HCN1: variants seen among roughly 807,000 people sequenced by gnomAD.
HCN1 encodes potassium/sodium hyperpolarization-activated cyclic nucleotide-gated channel 1.
In HCN1, 13 loss-of-function variants were observed where a neutral mutation model predicts 78.9. The observed-to-expected ratio is 0.16, with a 90% CI of 0.11 to 0.26. The LOEUF is 0.26. HCN1 is among the 10% of genes least tolerant of loss of function. The pLI is 1.00. For synonymous variants in HCN1, 552 were observed against 455.5 expected (o/e 1.21, Z -2.70); for missense variants, 810 against 1,154.3 (o/e 0.70, Z 4.32).
chr5:45,664,455 A>T (rs1193964196), intron 1 of HCN1, among the ~76,000 whole-genome samples: 4 of 147,394 alleles, frequency 2.7e-5, no homozygotes, highest in Non-Finnish European at 6.0e-5. Context: ...CTTAAAGTAT[A>T]ATAATAATAA....
At chr5:45,503,726 T>C (rs557874870) in intron 2 of HCN1, among the ~76,000 whole-genome samples, 2 of 152,162 alleles carry the variant, frequency 1.3e-5, no homozygotes, top group South Asian at 4.1e-4. Flanking sequence ...GAAACAAGAA[T>C]ACTTAAGCAT....
chr5:45,303,072 C>T (rs975743371), intron 6 of HCN1, among the ~76,000 whole-genome samples: 7 of 152,046 alleles, frequency 4.6e-5, no homozygotes, highest in East Asian at 3.9e-4. Context: ...TAACTACAGG[C>T]TACATTTTGC....
chr5:45,686,366 A>G (rs897161172), intron 1 of HCN1, among the ~76,000 whole-genome samples: 2 of 151,984 alleles, frequency 1.3e-5, no homozygotes, highest in Non-Finnish European at 2.9e-5. Flanking sequence ...TGTTTAGTTC[A>G]TATTTCAAAG....
intron 5 of HCN1, among the ~76,000 whole-genome samples, chr5:45,313,617 G>A (rs1016057158): frequency 2.0e-5 from 3 of 152,194 alleles, no homozygotes; most frequent in Non-Finnish European, 4.4e-5. Flanking sequence ...TAAAAACCTT[G>A]AAGAAATATT....
chr5:45,372,097 ATTT>A lies in HCN1; in HGVS notation c.1231-18854_1231-18852del, dbSNP rs371356248. On this transcript the variant is annotated intron_variant, in intron 4 of 7. Coordinates refer to ENST00000303230, the MANE Select transcript of HCN1 (RefSeq NM_021072.4). ...TTATATATAATATAATTATATATATATTTTATATATAATATAATTATATATTAT... is the reference window on the plus strand; with the variant it reads ...TTATATATAATATAATTATATATATATATATATAATATAATTATATATTAT... 4.9e-3 allele frequency among the ~76,000 whole-genome samples: 279 copies of A among 56,648 alleles called. 3 individuals carry two copies. Among genetic ancestry groups the A allele is most frequent in the African/African-American group, 7.6e-3 (81 of 10,608 alleles). The allele number at this position is 56,648 out of a possible 152,430, so 37.2% of individuals were successfully genotyped here.
At chr5:45,300,784 C>T (rs1175367122) in intron 6 of HCN1, among the ~76,000 whole-genome samples, 1 of 151,962 alleles carries the variant, frequency 6.6e-6, no homozygotes, top group Non-Finnish European at 1.5e-5. Context: ...TTTCTTTTTC[C>T]CCTTCATTCA....
chr5:45,590,733 T>TA, intron 2 of HCN1, among the ~76,000 whole-genome samples: 1 of 152,340 alleles, frequency 6.6e-6, no homozygotes, highest in East Asian at 1.9e-4. Context: ...AATCACAAGG[T>TA]ATGTAGCCTT....
chr5:45,311,858 G>A (rs1285528897), intron 5 of HCN1, among the ~76,000 whole-genome samples: 1 of 152,182 alleles, frequency 6.6e-6, no homozygotes, highest in Non-Finnish European at 1.5e-5. Context: ...CACCCTCAAA[G>A]TTCATCAACA....
At chr5:45,639,017 A>T (rs1745406293) in intron 2 of HCN1, among the ~76,000 whole-genome samples, 1 of 152,236 alleles carries the variant, frequency 6.6e-6, no homozygotes, top group African/African-American at 2.4e-5. Flanking sequence ...TTATCTCACA[A>T]TACTAATAAT....
intron 2 of HCN1, among the ~76,000 whole-genome samples, chr5:45,477,061 C>T (rs1741534145): frequency 6.6e-6 from 1 of 152,098 alleles, no homozygotes. Context: ...TACATCAGGA[C>T]ATAATTTCAA....
intron 2 of HCN1, among the ~76,000 whole-genome samples, chr5:45,540,161 C>T (rs12187475): frequency 0.021 from 3,199 of 151,736 alleles, 48 homozygotes; most frequent in Non-Finnish European, 0.032. Flanking sequence ...TTTTAATGCT[C>T]GAGTTTCAAC....
At chr5:45,347,386 A>C (rs1047916390) in intron 5 of HCN1, among the ~76,000 whole-genome samples, 1 of 152,182 alleles carries the variant, frequency 6.6e-6, no homozygotes, top group Non-Finnish European at 1.5e-5. Context: ...TCGTCAAAGA[A>C]CAAAAGTCGA....
At position 45,393,537 on chromosome 5, in the gene HCN1, G is replaced by A. The variant is rs1739625975; in HGVS notation, c.1230+2955C>T. On this transcript the variant is annotated intron_variant, in intron 4 of 7. Transcript: ENST00000303230. ...CATCATGGAGAATTTGTCTTTATAG[G>A]TTAATTCCTTTGGACATTAGTAACT... Among the ~76,000 whole-genome samples the A allele has an allele frequency of 2.0e-5, 3 of 152,120 alleles. No homozygotes were observed. The South Asian group carries it at 6.2e-4, about 32-fold the overall frequency.
At chr5:45,415,011 C>A (rs966053793) in intron 3 of HCN1, among the ~76,000 whole-genome samples, 1 of 151,986 alleles carries the variant, frequency 6.6e-6, no homozygotes, top group African/African-American at 2.4e-5. Flanking sequence ...CACTCTGTCA[C>A]AATTAGATAT....
chr5:45,271,144 A>G (rs911356754), intron 6 of HCN1, among the ~76,000 whole-genome samples: 6 of 152,156 alleles, frequency 3.9e-5, no homozygotes, highest in Non-Finnish European at 7.4e-5. Flanking sequence ...AAGGTTTTCT[A>G]TGTTGCCATC....
intron 3 of HCN1, among the ~76,000 whole-genome samples, chr5:45,397,302 T>C (rs1222432488): frequency 6.6e-6 from 1 of 152,136 alleles, no homozygotes; most frequent in Non-Finnish European, 1.5e-5. Flanking sequence ...GTAATTTGTG[T>C]CAGGATTGAA....
At chr5:45,606,134 T>C (rs1053485089) in intron 2 of HCN1, among the ~76,000 whole-genome samples, 17 of 152,068 alleles carry the variant, frequency 1.1e-4, no homozygotes, top group African/African-American at 3.9e-4. Context: ...ACTCTTATAC[T>C]ACTTAAGCAA....
intron 1 of HCN1, among the ~76,000 whole-genome samples, chr5:45,691,741 T>C (rs1251059586): frequency 6.6e-6 from 1 of 152,174 alleles, no homozygotes; most frequent in Non-Finnish European, 1.5e-5. Context: ...GAGAAGCTCC[T>C]GGAAGCAAAT....
At chr5:45,510,635 A>C (rs1742395479) in intron 2 of HCN1, among the ~76,000 whole-genome samples, 1 of 152,050 alleles carries the variant, frequency 6.6e-6, no homozygotes. Flanking sequence ...CTCTCGTTTA[A>C]GTTTTGGCAT....
Sources: allele counts gnomAD v4.1 joint callset (sites outside exome capture counted in the v4.1 genomes callset), GRCh38; gene constraint gnomAD v4.1.1; transcripts MANE v1.5; gene names NCBI Gene and HGNC (gene_info 2026-07-23, HGNC 2026-07-21).